The following RGS3 variants were observed in gnomAD, a reference collection of about 807,000 sequenced individuals.
RGS3 encodes the protein regulator of G protein signaling 3, also known as regulator of G-protein signalling 3.
RGS3 carries 80 observed loss-of-function variants against 132.6 expected under a neutral mutation model. That is an observed-to-expected ratio of 0.60 (90% CI 0.50 to 0.73). RGS3 has a LOEUF of 0.73. RGS3 is among the 30% of genes least tolerant of loss of function. The pLI, the probability that RGS3 is intolerant of heterozygous loss-of-function variation, is 0.00. For synonymous variants in RGS3, 598 were observed against 620.6 expected (o/e 0.96, Z 0.54); for missense variants, 1,382 against 1,530.8 (o/e 0.90, Z 1.62).
chr9:113,485,059 G>A (rs1014600772), intron 6 of RGS3, among the ~76,000 whole-genome samples: 6 of 151,140 alleles, frequency 4.0e-5, no homozygotes, highest in Non-Finnish European at 5.9e-5. Flanking sequence ...ATGTGTGTGT[G>A]TATATGTCTG....
At chr9:113,460,308 C>G in exon 1 of RGS3, 1 of 441,602 alleles carries the variant, frequency 2.3e-6, no homozygotes, top group South Asian at 2.0e-5. Flanking sequence ...ATCGCAAGGT[C>G]AGGAGATCGA....
At chr9:113,594,851 G>T in intron 22 of RGS3, 68 bp from the exon 21 acceptor site, 1 of 1,494,072 alleles carries the variant, frequency 6.7e-7, no homozygotes, top group Non-Finnish European at 9.3e-7. Context: ...AAGGCCGCCT[G>T]GCCCAGCTTC....
At position 113,463,889 on chromosome 9, in the gene RGS3, C is replaced by T. The variant is rs1229172372; in HGVS notation, c.415+1688C>T. ...TCTACCTCACCACCTTTGGTAAGTG[C>T]CCGCTGGGGCTGGCGGCAGGGGCTG... On this transcript the variant is annotated intron_variant, in intron 3 of 24. Transcript: ENST00000350696. The surrounding 1 kb of genome is among the most constrained non-coding windows in gnomAD (Gnocchi z 4.6). The T allele has an allele frequency of 6.2e-7, 1 of 1,612,722 alleles. No homozygotes were observed. Among genetic ancestry groups the T allele is most frequent in the Non-Finnish European group, 8.5e-7 (1 of 1,179,602 alleles).
Position 113,591,909 on chromosome 9 carries a change from A to G in RGS3, c.3080+512A>G, listed in dbSNP as rs111698602. ...GGCCACACTCAGGCCTTCTTATACT[A>G]TAGGGTGTTTGTTAGAGGTGTCAAT... On this transcript the variant is annotated intron_variant, in intron 21 of 24. Transcript: ENST00000350696. This position sits in a 1 kb window ranked among gnomAD's most constrained non-coding sequence, Gnocchi z 4.4. The G allele has an allele frequency of 3.8e-3, 610 of 161,532 alleles. 4 individuals carry two copies. Among genetic ancestry groups the G allele is most frequent in the African/African-American group, 0.014 (583 of 41,868 alleles). The allele number at this position is 161,532 out of a possible 1,614,324, so 10.0% of individuals were successfully genotyped here. A position where few individuals can be genotyped will look rare whatever the true frequency, so the allele number is the denominator to read the frequency against.
At position 113,537,617 on chromosome 9, in the gene RGS3, A is replaced by G. The variant is rs557907274; in HGVS notation, c.2037+699A>G. On this transcript the variant is annotated intron_variant, in intron 19 of 24. Coordinates refer to ENST00000350696, the Ensembl canonical transcript of RGS3. This position sits in a 1 kb window ranked among gnomAD's most constrained non-coding sequence, Gnocchi z 4.3. ...AGTCATTCAGGTCCCTTCTTTTGCT[A>G]AAAGTGCTGGCCATTTGGGAATTGG... Among the ~76,000 whole-genome samples, 14 of 152,308 alleles carry G rather than the reference A, an allele frequency of 9.2e-5. No homozygotes were observed. Among genetic ancestry groups the G allele is most frequent in the Middle Eastern group, 6.8e-3 (2 of 294 alleles).
At chr9:113,522,732 G>A (rs1448978408) in intron 16 of RGS3, 198 bp from the exon 15 acceptor site, 2 of 590,130 alleles carry the variant, frequency 3.4e-6, no homozygotes, top group Non-Finnish European at 6.1e-6. Flanking sequence ...AAGCTGGAGG[G>A]TGATGGGGCC....
chr9:113,521,157 C>T (rs1035858926), intron 16 of RGS3, among the ~76,000 whole-genome samples: 4 of 152,262 alleles, frequency 2.6e-5, no homozygotes, highest in African/African-American at 9.6e-5. Flanking sequence ...GGGTTAGGGT[C>T]ACTACCAAGA....
At chr9:113,448,778 T>G (rs1198062648) in intron 1 of RGS3, among the ~76,000 whole-genome samples, 2 of 152,228 alleles carry the variant, frequency 1.3e-5, no homozygotes, top group Non-Finnish European at 2.9e-5. Flanking sequence ...TGTGTCTTCT[T>G]TCTTCAGTGT....
intron 19 of RGS3, among the ~76,000 whole-genome samples, chr9:113,546,477 T>C (rs930699358): frequency 1.3e-5 from 2 of 152,172 alleles, no homozygotes; most frequent in African/African-American, 4.8e-5. Flanking sequence ...TCAGTAGAGG[T>C]TGTAGGATTG....
At chr9:113,540,749 C>T (rs545266022) in intron 19 of RGS3, among the ~76,000 whole-genome samples, 2 of 152,354 alleles carry the variant, frequency 1.3e-5, no homozygotes, top group South Asian at 4.1e-4. Flanking sequence ...AGATCACAGT[C>T]TGGTGGCAGA....
chr9:113,483,972 C>G (rs944947318), intron 5 of RGS3, among the ~76,000 whole-genome samples, 166 bp from the exon 4 acceptor site: 24 of 152,232 alleles, frequency 1.6e-4, no homozygotes, highest in African/African-American at 5.8e-4. Context: ...TTGCCCTGGG[C>G]TCCTTGTTCC....
intron 7 of RGS3, among the ~76,000 whole-genome samples, chr9:113,488,077 T>G (rs1330842764): frequency 6.6e-6 from 1 of 152,086 alleles, no homozygotes. Flanking sequence ...GGTAGGTCTT[T>G]GGAAGGTTGA....
At chr9:113,575,477 A>G (rs1362365793) in intron 19 of RGS3, among the ~76,000 whole-genome samples, 1 of 151,992 alleles carries the variant, frequency 6.6e-6, no homozygotes, top group East Asian at 1.9e-4. Flanking sequence ...TGTTTAGGGA[A>G]CGTGAATGGG....
intron 20 of RGS3, among the ~76,000 whole-genome samples, chr9:113,588,073 C>A (rs1219751677): frequency 6.6e-6 from 1 of 152,190 alleles, no homozygotes; most frequent in Non-Finnish European, 1.5e-5. Flanking sequence ...ATGGGCTATT[C>A]TTTGACAGTG....
In RGS3 at chr9:113,522,954, C is replaced by T. The variant is rs374090852; in HGVS notation, c.1783C>T (p.Leu595=). ...GGTGACACTGTTTGCCTATTCGGAC[C>T]TGCTGCTCTTCACCAAGGAGGACGA... The change falls in exon 17 of 25, where the codon CTG becomes TTG. Residue 595 remains leucine (L), a synonymous_variant. Coordinates refer to ENST00000350696, the Ensembl canonical transcript of RGS3. 3.7e-6 allele frequency: 6 copies of T among 1,613,758 alleles called. No individual in the cohort carries two copies. In the African/African-American group the frequency reaches 4.0e-5, roughly 11 times the overall value.
At chr9:113,503,927 C>T (rs772988067) in intron 10 of RGS3, among the ~76,000 whole-genome samples, 15 of 152,084 alleles carry the variant, frequency 9.9e-5, no homozygotes, top group Non-Finnish European at 2.1e-4. Context: ...ATTTTTTTCT[C>T]TTCCTGTCTT....
At chr9:113,495,899 T>C in intron 8 of RGS3, 53 bp downstream of exon 6, 1 of 1,480,178 alleles carries the variant, frequency 6.8e-7, no homozygotes, top group Non-Finnish European at 9.5e-7. Context: ...CCGGGGCTGG[T>C]ACAGGCAGAG....
At chr9:113,521,952 T>C (rs536655606) in intron 16 of RGS3, among the ~76,000 whole-genome samples, 147 of 152,350 alleles carry the variant, frequency 9.6e-4, no homozygotes, top group Non-Finnish European at 1.7e-3. Context: ...TTCACATACT[T>C]AATAACACTT....
At chr9:113,475,016 A>G (rs1197467276) in intron 3 of RGS3, among the ~76,000 whole-genome samples, 1 of 152,174 alleles carries the variant, frequency 6.6e-6, no homozygotes, top group Non-Finnish European at 1.5e-5. Flanking sequence ...TGGTGTCCAC[A>G]TCCATTTAAA....
Sources: allele counts gnomAD v4.1 joint callset (sites outside exome capture counted in the v4.1 genomes callset), GRCh38; gene constraint gnomAD v4.1.1; non-coding constraint Gnocchi (gnomAD v3.1); transcripts MANE v1.5; gene names NCBI Gene and HGNC (gene_info 2026-07-23, HGNC 2026-07-21).